The following PPP4R1 variants were observed in gnomAD, a reference collection of about 807,000 sequenced individuals.
The protein encoded by PPP4R1 is serine/threonine-protein phosphatase 4 regulatory subunit 1.
A neutral mutation model predicts 111.2 loss-of-function variants in PPP4R1; 42 were observed. The observed-to-expected ratio is 0.38, with a 90% CI of 0.29 to 0.49. PPP4R1 has a LOEUF of 0.49. Ranked by LOEUF, PPP4R1 falls within the 20% of genes least tolerant of loss-of-function variation. The pLI, the probability that PPP4R1 is intolerant of heterozygous loss-of-function variation, is 0.97. For missense variants in PPP4R1, 1,012 were observed against 1,161.6 expected (o/e 0.87, Z 1.87); for synonymous variants, 409 against 405.5 (o/e 1.01, Z -0.10).
chr18:9,564,091 A>C (rs2145067203), intron 11 of PPP4R1, among the ~76,000 whole-genome samples: 1 of 152,298 alleles, frequency 6.6e-6, no homozygotes, highest in South Asian at 2.1e-4. Context: ...AATAATCCCA[A>C]ATGAGCACTG....
chr18:9,580,502 A>T (rs2067010683), intron 9 of PPP4R1, among the ~76,000 whole-genome samples: 1 of 152,020 alleles, frequency 6.6e-6, no homozygotes. Flanking sequence ...GGCGCCCGCC[A>T]CCACACCCGG....
intron 11 of PPP4R1, 147 bp from the exon 12 acceptor site, chr18:9,563,697 T>G (rs1387787399): frequency 1.6e-6 from 1 of 641,118 alleles, no homozygotes; most frequent in East Asian, 3.1e-5. Context: ...ATTTCTACTG[T>G]GGTAAATCAT....
At chr18:9,548,744 C>T (rs997874874) in intron 19 of PPP4R1, among the ~76,000 whole-genome samples, 2 of 152,082 alleles carry the variant, frequency 1.3e-5, no homozygotes, top group African/African-American at 4.8e-5. Context: ...TGGTGAAACC[C>T]CATCTCTACT....
Position 9,588,140 on chromosome 18 carries a change from T to C in PPP4R1, c.534A>G (p.Ile178Met), listed in dbSNP as rs1568115018. ...DVETKVCPVL[I>M]ELTAPDSNDD... ...CATTGCTATCTGGGGCTGTCAGCTC[T>C]ATGAGGACAGGGCACACTTTGGTCT... Residue 178 changes from isoleucine (I) to methionine (M), a missense_variant, in exon 6 of 20, where the codon ATA becomes ATG. Ile to Met is a conservative substitution (Grantham distance 10, BLOSUM62 1). This residue lies in a region of PPP4R1 where 707 missense variants were observed against 742.1 expected (regional missense o/e 0.95). Coordinates refer to ENST00000400556, the MANE Select transcript of PPP4R1 (RefSeq NM_001042388.3). The C allele has an allele frequency of 6.2e-7, 1 of 1,614,218 alleles. No individual in the cohort carries two copies. Among genetic ancestry groups the C allele is most frequent in the South Asian group, 1.1e-5 (1 of 91,082 alleles).
Position 9,570,517 on chromosome 18 carries a change from A to G in PPP4R1, c.1213T>C (p.Ser405Pro). ...LGEISVPLDS[S>P]LLCTLSSESH... ...TCTGAGGACAAAGTACAAAGTAAAG[A>G]GCTGTCCAGTGGAACACTAATTTCA... The change falls in exon 11 of 20, where the codon TCT (serine) becomes CCT (proline). Residue 405 changes from serine to proline, a missense_variant. Ser to Pro is a moderately conservative substitution (Grantham distance 74, BLOSUM62 -1). Coordinates refer to ENST00000400556, the MANE Select transcript of PPP4R1 (RefSeq NM_001042388.3). 1.2e-6 allele frequency: 2 copies of G among 1,614,206 alleles called. No individual in the cohort carries two copies. The highest frequency in any genetic ancestry group is 1.7e-6 in the Non-Finnish European group (2 of 1,180,024).
chr18:9,610,471 T>C (rs732698), intron 2 of PPP4R1, among the ~76,000 whole-genome samples: 25,087 of 148,446 alleles, frequency 0.17, 2,890 homozygotes, highest in African/African-American at 0.33. Context: ...TCTCCTAAAC[T>C]TTTTTTTTTT....
At chr18:9,578,354 G>A (rs542231369) in intron 9 of PPP4R1, among the ~76,000 whole-genome samples, 1 of 152,246 alleles carries the variant, frequency 6.6e-6, no homozygotes, top group South Asian at 2.1e-4. Context: ...TCCAACCTCA[G>A]CCTCATGAAT....
In PPP4R1 at chr18:9,583,242, C is replaced by T. The variant is rs773243447; in HGVS notation, c.793G>A (p.Val265Ile). ...PRFFQLCSDNVWGVRKACAEC... is the reference protein window; with the variant it reads ...PRFFQLCSDNIWGVRKACAEC... Reference sequence around the variant, plus strand: ...GCACAAGCCTTTCGGACTCCCCATACATTATCAGAACAAAGCTGGAAAAAT... The same window carrying T: ...GCACAAGCCTTTCGGACTCCCCATATATTATCAGAACAAAGCTGGAAAAAT... Residue 265 changes from valine to isoleucine, a missense_variant, in exon 9 of 20, where the codon GTA becomes ATA. Coordinates refer to ENST00000400556, the MANE Select transcript of PPP4R1 (RefSeq NM_001042388.3). The T allele has an allele frequency of 1.9e-6, 3 of 1,600,424 alleles. No homozygotes were observed. The highest frequency in any genetic ancestry group is 2.6e-6 in the Non-Finnish European group (3 of 1,171,188).
chr18:9,614,250 C>A lies in PPP4R1; in HGVS notation c.28G>T (p.Asp10Tyr). 1 of 1,358,254 alleles carries A rather than the reference C, an allele frequency of 7.4e-7. No individual in the cohort carries two copies. The highest frequency in any genetic ancestry group is 9.6e-7 in the Non-Finnish European group (1 of 1,042,552). The allele number at this position is 1,358,254 out of a possible 1,614,324, so 84.1% of individuals were successfully genotyped here. Reference sequence around the variant, plus strand: ...CATCCGTCTGCGTCCTCCTGCAGGTCCTCCTGAAGCAGCGAGAGGTCTGCG... The same window carrying A: ...CATCCGTCTGCGTCCTCCTGCAGGTACTCCTGAAGCAGCGAGAGGTCTGCG... MADLSLLQE[D>Y]LQEDADGFGV... Residue 10 changes from aspartate to tyrosine, a missense_variant, in exon 2 of 20, where the codon GAC (aspartate) becomes TAC (tyrosine). Asp to Tyr is a radical substitution (Grantham distance 160, BLOSUM62 -3). Transcript: ENST00000400556. This position sits in a 1 kb window ranked among gnomAD's most constrained non-coding sequence, Gnocchi z 4.1.
intron 19 of PPP4R1, among the ~76,000 whole-genome samples, chr18:9,548,409 C>T (rs924365182): frequency 1.3e-5 from 2 of 151,734 alleles, no homozygotes; most frequent in South Asian, 2.1e-4. Context: ...CGGCAGGCGG[C>T]GGGGGGGTCG....
At chr18:9,559,671 A>G (rs994034413) in intron 13 of PPP4R1, 67 bp from the exon 14 acceptor site, 2 of 1,208,476 alleles carry the variant, frequency 1.7e-6, no homozygotes, top group African/African-American at 3.1e-5. Context: ...TTAGACATAA[A>G]TTGGGCAAAA....
At chr18:9,553,950 G>A (rs986132242) in intron 15 of PPP4R1, among the ~76,000 whole-genome samples, 1 of 152,130 alleles carries the variant, frequency 6.6e-6, no homozygotes, top group Non-Finnish European at 1.5e-5. Flanking sequence ...AATCACACAG[G>A]GAAAAAAGCC....
intron 9 of PPP4R1, among the ~76,000 whole-genome samples, 163 bp from the exon 10 acceptor site, chr18:9,577,354 C>T (rs329000): frequency 1 from 152,328 of 152,394 alleles, 76,131 homozygotes; most frequent in Middle Eastern, 1. Context: ...TTAGCTAGGA[C>T]TGAAAAATTC....
At position 9,593,777 on chromosome 18, in the gene PPP4R1, C is replaced by T. The variant is rs200484980; in HGVS notation, c.286G>A (p.Asp96Asn). The change falls in exon 4 of 20, where the codon GAT becomes AAT. Residue 96 changes from aspartate to asparagine, a missense_variant. Asp to Asn is a conservative substitution (Grantham distance 23, BLOSUM62 1). This residue lies in a region of PPP4R1 where 707 missense variants were observed against 742.1 expected (regional missense o/e 0.95). Coordinates refer to ENST00000400556, the MANE Select transcript of PPP4R1 (RefSeq NM_001042388.3). ...CTTTCTCCACATATACCTGAATCATCGGCCAATCTGCTAATTCTTTCCAAA... is the reference window on the plus strand; with the variant it reads ...CTTTCTCCACATATACCTGAATCATTGGCCAATCTGCTAATTCTTTCCAAA... ...AVLERISRLADDSEPTVRAEL... is the reference protein window; with the variant it reads ...AVLERISRLANDSEPTVRAEL... The T allele has an allele frequency of 6.2e-6, 10 of 1,612,876 alleles. No homozygotes were observed. Among genetic ancestry groups the T allele is most frequent in the South Asian group, 3.3e-5 (3 of 91,046 alleles).
At chr18:9,590,289 T>G (rs1393881894) in intron 4 of PPP4R1, 1 of 152,214 alleles carries the variant, frequency 6.6e-6, no homozygotes, top group Admixed American at 6.5e-5. Context: ...CTCAGAATCT[T>G]ATCAACAAAC....
intron 11 of PPP4R1, among the ~76,000 whole-genome samples, chr18:9,564,386 C>T (rs2066726775): frequency 1.3e-5 from 2 of 152,142 alleles, no homozygotes; most frequent in African/African-American, 4.8e-5. Flanking sequence ...TATTATGCTG[C>T]AGCATTTATA....
In PPP4R1 at chr18:9,587,968, C is replaced by T. The variant is rs183954282; in HGVS notation, c.585+121G>A. On this transcript the variant is annotated intron_variant, in intron 6 of 19. Coordinates refer to ENST00000400556, the MANE Select transcript of PPP4R1 (RefSeq NM_001042388.3). ...CTGACCTCAAGTGATCCACCCACCTCGGCCTCCCAAAGTGCTGGAATTACA... is the reference window on the plus strand; with the variant it reads ...CTGACCTCAAGTGATCCACCCACCTTGGCCTCCCAAAGTGCTGGAATTACA... 1.2e-4 allele frequency: 149 copies of T among 1,240,000 alleles called. No homozygotes were observed. In the African/African-American group the frequency reaches 1.7e-3, roughly 14 times the overall value. The allele number at this position is 1,240,000 out of a possible 1,614,324, so 76.8% of individuals were successfully genotyped here. A position where few individuals can be genotyped will look rare whatever the true frequency, so the allele number is the denominator to read the frequency against.
intron 16 of PPP4R1, chr18:9,552,079 CTTTAAT>C (rs1247821609): frequency 6.6e-6 from 1 of 152,202 alleles, no homozygotes; most frequent in African/African-American, 2.4e-5. Context: ...GGAGTGGCAT[CTTTAAT>C]ATACTGAAAG....
intron 4 of PPP4R1, chr18:9,589,761 G>A (rs2145225394): frequency 6.6e-6 from 1 of 152,402 alleles, no homozygotes; most frequent in South Asian, 2.1e-4. Context: ...AGCCAGGTGT[G>A]GTGGTGCATG....
Sources: gnomAD v4.1 joint callset for allele counts (sites outside exome capture counted in the v4.1 genomes callset) on GRCh38, gnomAD v4.1.1 for gene constraint, gnomAD v4.1.1 regional missense constraint, Gnocchi (gnomAD v3.1) non-coding constraint, MANE v1.5 for transcripts, NCBI Gene and HGNC (gene_info 2026-07-23, HGNC 2026-07-21) for gene names.